OMD: variants seen among roughly 807,000 people sequenced by gnomAD.
The protein encoded by OMD is KSPG osteomodulin.
OMD carries 19 observed loss-of-function variants against 31.2 expected under a neutral mutation model. The observed-to-expected ratio is 0.61, with a 90% CI of 0.42 to 0.89. The LOEUF is 0.89. OMD is among the 40% of genes least tolerant of loss of function. The pLI is 0.00. For synonymous variants in OMD, 155 were observed against 166.4 expected (o/e 0.93, Z 0.53); for missense variants, 448 against 490.8 (o/e 0.91, Z 0.82).
rs1341276968 is a variant in OMD, at chr9:92,413,191, T to G, written c.*1961A>C. Among the ~76,000 whole-genome samples, 1 of 152,052 alleles carries G rather than the reference T, an allele frequency of 6.6e-6. No individual in the cohort carries two copies. Among genetic ancestry groups the G allele is most frequent in the Non-Finnish European group, 1.5e-5 (1 of 68,000 alleles). On this transcript the variant is annotated 3_prime_UTR_variant, in exon 3 of 3. Transcript: ENST00000375550. ...TAGTAGAGATGGGGTTTCTCCATGTTGGTCAGGCTGGTCTCAAACTCCCGA... is the reference window on the plus strand; with the variant it reads ...TAGTAGAGATGGGGTTTCTCCATGTGGGTCAGGCTGGTCTCAAACTCCCGA...
rs2130955239 is a variant in OMD at position 92,415,310 on chromosome 9, C to T, written c.1108G>A (p.Gly370Ser). 2 of 1,613,638 alleles carry T rather than the reference C, an allele frequency of 1.2e-6. No homozygotes were observed. The highest frequency in any genetic ancestry group is 1.7e-6 in the Non-Finnish European group (2 of 1,179,818). The change falls in exon 3 of 3, where the codon GGT becomes AGT. Residue 370 changes from glycine to serine, a missense_variant. Coordinates refer to ENST00000375550, the MANE Select transcript of OMD (RefSeq NM_005014.3). ...IYYGEQRSTN[G>S]QTIQLKTQVF... ...TGTGTCTTTAGTTGTATTGTTTGAC[C>T]ATTAGTGCTTCGTTGTTCACCATAA...
At chr9:92,423,219 A>C (rs1355634549) in intron 1 of OMD, among the ~76,000 whole-genome samples, 1 of 152,172 alleles carries the variant, frequency 6.6e-6, no homozygotes. Context: ...ATCGTGTAGC[A>C]GGAAAAGAAC....
intron 1 of OMD, among the ~76,000 whole-genome samples, chr9:92,418,222 G>T (rs909766730): frequency 6.6e-6 from 1 of 151,988 alleles, no homozygotes; most frequent in Non-Finnish European, 1.5e-5. Flanking sequence ...AAGTATCTGG[G>T]ACTACAGGCG....
Position 92,415,154 on chromosome 9 carries a change from A to T in OMD, c.1264T>A (p.Ter422LysextTer5). ...FDLHYYENQE[*>K] ...GTGTATACCTATATAGTTTCTTGCTATTCTTGATTTTCATAATAATGAAGG... is the reference window on the plus strand; with the variant it reads ...GTGTATACCTATATAGTTTCTTGCTTTTCTTGATTTTCATAATAATGAAGG... Residue 422 changes from the stop codon to lysine (K), a stop_lost, in exon 3 of 3, where the codon TAG becomes AAG. Coordinates refer to ENST00000375550, the MANE Select transcript of OMD (RefSeq NM_005014.3). The T allele has an allele frequency of 6.2e-7, 1 of 1,601,310 alleles. No homozygotes were observed. Among genetic ancestry groups the T allele is most frequent in the Non-Finnish European group, 8.5e-7 (1 of 1,175,864 alleles).
chr9:92,420,356 A>G (rs1564311836), intron 1 of OMD, among the ~76,000 whole-genome samples: 1 of 152,158 alleles, frequency 6.6e-6, no homozygotes, highest in Admixed American at 6.6e-5. Flanking sequence ...TCTTTTGCAC[A>G]TGCCCTAAAC....
Position 92,417,158 on chromosome 9 carries a change from TAATC to T in OMD, c.397_400del (p.Asp133MetfsTer15). 1 of 1,613,862 alleles carries T rather than the reference TAATC, an allele frequency of 6.2e-7. No homozygotes were observed. Among genetic ancestry groups the T allele is most frequent in the Non-Finnish European group, 8.5e-7 (1 of 1,179,944 alleles). ...ATTTGGAAGCTTAGCAAACACACCA[TAATC>T]AATCTTTTGAGATTTAATTTTGTTG... On this transcript the variant is annotated frameshift_variant, in exon 2 of 3. Transcript: ENST00000375550. LOFTEE classifies it high-confidence loss of function.
rs749001249 is a variant in OMD at position 92,417,282 on chromosome 9, T to C, written c.277A>G (p.Ile93Val). Residue 93 changes from isoleucine to valine, a missense_variant, in exon 2 of 3, where the codon ATT becomes GTT. By Grantham distance (29) the Ile-to-Val change is conservative (BLOSUM62 3). Transcript: ENST00000375550. ...LKTIPNIPMH[I>V]QQLYLQFNEI... is the part of the protein sequence containing the mutation. ...TTGAACTGAAGGTAGAGTTGCTGAATGTGCATCGGAATATTTGGGATAGTC... is the reference window on the plus strand; with the variant it reads ...TTGAACTGAAGGTAGAGTTGCTGAACGTGCATCGGAATATTTGGGATAGTC... 8 of 1,614,000 alleles carry C rather than the reference T, an allele frequency of 5.0e-6. No individual in the cohort carries two copies. In the East Asian group the frequency reaches 6.7e-5, roughly 13 times the overall value.
rs187318056 is a variant in OMD, at chr9:92,418,972, T to C, written c.-16-1398A>G. Among the ~76,000 whole-genome samples, 164 of 152,272 alleles carry C rather than the reference T, an allele frequency of 1.1e-3. 1 individual carries two copies. Among genetic ancestry groups the C allele is most frequent in the African/African-American group, 3.9e-3 (163 of 41,550 alleles). On this transcript the variant is annotated intron_variant, in intron 1 of 2. Transcript: ENST00000375550. ...CTTTTTTCCATTAATATATTTAAGT[T>C]TTAGATACAAAAATATTATTAAAAA...
chr9:92,420,955 G>A (rs1375908293), intron 1 of OMD, among the ~76,000 whole-genome samples: 1 of 152,172 alleles, frequency 6.6e-6, no homozygotes, highest in Non-Finnish European at 1.5e-5. Context: ...CAAAAACATA[G>A]AAGCAACAGA....
intron 1 of OMD, among the ~76,000 whole-genome samples, chr9:92,422,517 TAA>T (rs1486518916): frequency 6.6e-6 from 1 of 152,088 alleles, no homozygotes; most frequent in East Asian, 1.9e-4. Flanking sequence ...TCTCTGAAAA[TAA>T]AGAGGTTTTT....
rs1387741788 is a variant in OMD at position 92,414,929 on chromosome 9, C to T, written c.*223G>A. 3 of 339,636 alleles carry T rather than the reference C, an allele frequency of 8.8e-6. No individual in the cohort carries two copies. The highest frequency in any genetic ancestry group is 4.2e-5 in the African/African-American group (2 of 47,268). The allele number at this position is 339,636 out of a possible 1,614,324, so 21.0% of individuals were successfully genotyped here. On this transcript the variant is annotated 3_prime_UTR_variant, in exon 3 of 3. Transcript: ENST00000375550. ...ACCATTAACGTTTAATTTATGATTCCCACTTGTCATTCTAATTTATATTTT... is the reference window on the plus strand; with the variant it reads ...ACCATTAACGTTTAATTTATGATTCTCACTTGTCATTCTAATTTATATTTT...
chr9:92,416,969 T>C lies in OMD; in HGVS notation c.590A>G (p.Tyr197Cys), dbSNP rs1276492996. 1 of 1,613,988 alleles carries C rather than the reference T, an allele frequency of 6.2e-7. No individual in the cohort carries two copies. Among genetic ancestry groups the C allele is most frequent in the South Asian group, 1.1e-5 (1 of 91,070 alleles). ...NLTMLDLCYN[Y>C]LHDSLLKDKI... ...GTCTTTTAGCAGAGAATCATGAAGA[T>C]AATTATAACAGAGATCAAGCATGGT... Residue 197 changes from tyrosine (Y) to cysteine (C), a missense_variant, in exon 2 of 3, where the codon TAT (tyrosine) becomes TGT (cysteine). Coordinates refer to ENST00000375550, the MANE Select transcript of OMD (RefSeq NM_005014.3).
At chr9:92,420,979 G>C (rs940130480) in intron 1 of OMD, among the ~76,000 whole-genome samples, 19 of 152,220 alleles carry the variant, frequency 1.2e-4, no homozygotes, top group African/African-American at 4.6e-4. Context: ...TGATGTGTTT[G>C]GGAAATGTGG....
chr9:92,416,615 A>C lies in OMD; in HGVS notation c.940+4T>G. On this transcript the variant is annotated splice_donor_region_variant and intron_variant, in intron 2 of 2. Transcript: ENST00000375550. ...TCTTCAAAACACAATAAAAGTCTAC[A>C]TACTTTCTATTTCATTATTTTGTAG... The C allele has an allele frequency of 1.3e-6, 2 of 1,486,202 alleles. No homozygotes were observed. Among genetic ancestry groups the C allele is most frequent in the Non-Finnish European group, 1.8e-6 (2 of 1,095,474 alleles). 92.1% of individuals were successfully genotyped at this position (1,486,202 alleles called of 1,614,324 possible).
chr9:92,417,466 A>G lies in OMD; in HGVS notation c.93T>C (p.Tyr31=), dbSNP rs753629085. ...QYETYQWDED[Y]DQEPDDDYQT... ...GGTAATCATCATCTGGCTCTTGGTC[A>G]TAGTCTTCATCCCACTGATAAGTTT... Residue 31 remains tyrosine, a synonymous_variant, in exon 2 of 3, where the codon TAT becomes TAC. Coordinates refer to ENST00000375550, the MANE Select transcript of OMD (RefSeq NM_005014.3). 3.1e-6 allele frequency: 5 copies of G among 1,613,880 alleles called. No homozygotes were observed. The highest frequency in any genetic ancestry group is 4.2e-6 in the Non-Finnish European group (5 of 1,179,936).
chr9:92,412,484 A>G lies in OMD; in HGVS notation c.*2668T>C, dbSNP rs143980790. Among the ~76,000 whole-genome samples the G allele has an allele frequency of 7.4e-3, 1,122 of 152,292 alleles. 12 individuals carry two copies. The highest frequency in any genetic ancestry group is 0.031 in the Middle Eastern group (9 of 294). ...TTTTCATTACTCCAAAAAAGAAACCATATACCCATTAGCAGTTACTTCTCA... is the reference window on the plus strand; with the variant it reads ...TTTTCATTACTCCAAAAAAGAAACCGTATACCCATTAGCAGTTACTTCTCA... On this transcript the variant is annotated 3_prime_UTR_variant, in exon 3 of 3. Transcript: ENST00000375550.
intron 1 of OMD, among the ~76,000 whole-genome samples, chr9:92,422,505 C>T (rs867210909): frequency 3.3e-5 from 5 of 152,154 alleles, no homozygotes; most frequent in Non-Finnish European, 5.9e-5. Flanking sequence ...ATGACTGGGG[C>T]GTCTCTGAAA....
chr9:92,415,971 G>GTT (rs1216941793), intron 2 of OMD, among the ~76,000 whole-genome samples: 4 of 140,142 alleles, frequency 2.9e-5, no homozygotes, highest in Admixed American at 7.2e-5. Flanking sequence ...TAAATTGTCA[G>GTT]TTATATATAT....
chr9:92,423,626 T>C (rs1433570707), intron 1 of OMD, among the ~76,000 whole-genome samples: 1 of 152,152 alleles, frequency 6.6e-6, no homozygotes, highest in Non-Finnish European at 1.5e-5. Flanking sequence ...TACATTTAAA[T>C]CGTAATTAAC....
Sources: gnomAD v4.1 joint callset for allele counts (sites outside exome capture counted in the v4.1 genomes callset) on GRCh38, gnomAD v4.1.1 for gene constraint, MANE v1.5 for transcripts, NCBI Gene and HGNC (gene_info 2026-07-23, HGNC 2026-07-21) for gene names.